Variants in RAP1GAP2 observed in about 807,000 individuals in gnomAD.
The protein encoded by RAP1GAP2 is rap1 GTPase-activating protein 2.
In RAP1GAP2, 27 loss-of-function variants were observed where a neutral mutation model predicts 95.0. The ratio of observed to expected loss-of-function variants is 0.28; its 90% confidence interval spans 0.21 to 0.39. The LOEUF (loss-of-function observed/expected upper bound fraction) is 0.39. RAP1GAP2 is among the 10% of genes least tolerant of loss of function. RAP1GAP2 has a pLI of 1.00. For synonymous variants in RAP1GAP2, 373 were observed against 380.9 expected (o/e 0.98, Z 0.24); for missense variants, 771 against 970.0 (o/e 0.79, Z 2.72).
intron 2 of RAP1GAP2, among the ~76,000 whole-genome samples, chr17:2,864,658 G>T (rs1192295450): frequency 2.0e-5 from 3 of 152,200 alleles, no homozygotes; most frequent in Admixed American, 2.0e-4. Flanking sequence ...CAGAGGCTGG[G>T]GGTTGCATCC....
At chr17:2,835,626 G>A (rs1001626034) in intron 2 of RAP1GAP2, among the ~76,000 whole-genome samples, 9 of 152,228 alleles carry the variant, frequency 5.9e-5, no homozygotes, top group African/African-American at 2.2e-4. Context: ...TCAGGAGGCT[G>A]AGGTGGGAGG....
At chr17:2,882,859 T>A (rs1301239682) in intron 2 of RAP1GAP2, among the ~76,000 whole-genome samples, 1 of 152,224 alleles carries the variant, frequency 6.6e-6, no homozygotes, top group African/African-American at 2.4e-5. Flanking sequence ...CGTGACTGAT[T>A]CGTGTCATGT....
intron 3 of RAP1GAP2, among the ~76,000 whole-genome samples, chr17:2,939,805 C>T (rs961868005): frequency 1.3e-5 from 2 of 152,246 alleles, no homozygotes; most frequent in Non-Finnish European, 2.9e-5. Context: ...GCCCTTATGA[C>T]GTAAGACGTG....
chr17:2,862,786 C>T (rs1253834997), intron 2 of RAP1GAP2, among the ~76,000 whole-genome samples: 3 of 151,934 alleles, frequency 2.0e-5, no homozygotes. Flanking sequence ...TCACTCAAGG[C>T]TGGGAGTTCG....
At chr17:2,974,185 C>CCAAA (rs66529352) in intron 8 of RAP1GAP2, among the ~76,000 whole-genome samples, 1 of 137,704 alleles carries the variant, frequency 7.3e-6, no homozygotes. Flanking sequence ...ACTAAAAATA[C>CCAAA]AAAAAAAAAA....
At chr17:2,755,784 C>T (rs2071127865) in intron 1 of RAP1GAP2, 1 of 354,440 alleles carries the variant, frequency 2.8e-6, no homozygotes, top group East Asian at 4.2e-5. Context: ...GGGCGCCGGG[C>T]GGCGCGGGGC....
At chr17:2,844,576 C>T (rs895390226) in intron 2 of RAP1GAP2, among the ~76,000 whole-genome samples, 1 of 152,180 alleles carries the variant, frequency 6.6e-6, no homozygotes, top group Non-Finnish European at 1.5e-5. Flanking sequence ...GCTCAGCTCC[C>T]GGCTGGGTGA....
At chr17:3,024,054 G>C (rs2151653665) in intron 19 of RAP1GAP2, among the ~76,000 whole-genome samples, 1 of 152,282 alleles carries the variant, frequency 6.6e-6, no homozygotes, top group East Asian at 1.9e-4. Context: ...GGAGAGTTGG[G>C]AACCAATAGG....
At chr17:2,948,698 G>C (rs1275730911) in intron 3 of RAP1GAP2, among the ~76,000 whole-genome samples, 3 of 148,484 alleles carry the variant, frequency 2.0e-5, no homozygotes, top group African/African-American at 7.5e-5. Context: ...GAGATGGAGA[G>C]AAGGGGTCCT....
At chr17:2,940,487 G>T (rs1254666329) in intron 3 of RAP1GAP2, among the ~76,000 whole-genome samples, 1 of 152,244 alleles carries the variant, frequency 6.6e-6, no homozygotes, top group Non-Finnish European at 1.5e-5. Context: ...GGACTCCTCA[G>T]CTGGGCTTCC....
intron 3 of RAP1GAP2, among the ~76,000 whole-genome samples, chr17:2,927,206 T>G (rs981466855): frequency 3.0e-4 from 45 of 150,402 alleles, no homozygotes; most frequent in African/African-American, 1.0e-3. Flanking sequence ...CAGGCTGGAG[T>G]GCAGTGGCGC....
At chr17:2,933,347 G>A (rs571396946) in intron 3 of RAP1GAP2, among the ~76,000 whole-genome samples, 2 of 152,154 alleles carry the variant, frequency 1.3e-5, no homozygotes, top group Admixed American at 6.5e-5. Flanking sequence ...GACCACCGTG[G>A]AGTGAGGGAG....
chr17:2,855,336 G>T lies in RAP1GAP2; in HGVS notation c.81-49948G>T, dbSNP rs1307754140. Among the ~76,000 whole-genome samples the T allele has an allele frequency of 6.6e-6, 1 of 152,186 alleles. No individual in the cohort carries two copies. The highest frequency in any genetic ancestry group is 1.5e-5 in the Non-Finnish European group (1 of 68,044). On this transcript the variant is annotated intron_variant, in intron 2 of 24. Transcript: ENST00000254695. The surrounding 1 kb of genome is among the most constrained non-coding windows in gnomAD (Gnocchi z 4.3). ...GCGAATCCTTGTGATTTCTTTGAGGGGAAGTTTCAGGTGGATGCTAGTCTG... is the reference window on the plus strand; with the variant it reads ...GCGAATCCTTGTGATTTCTTTGAGGTGAAGTTTCAGGTGGATGCTAGTCTG...
At position 2,827,768 on chromosome 17, in the gene RAP1GAP2, C is replaced by T. The variant is rs1006922487; in HGVS notation, c.80+27218C>T. ...GGAACTGGGATCTCATTCATCCCAT[C>T]TGGTCAGCATCTCTTTGGTTGCTTT... On this transcript the variant is annotated intron_variant, in intron 2 of 24. Coordinates refer to ENST00000254695, the MANE Select transcript of RAP1GAP2 (RefSeq NM_015085.5). This position sits in a 1 kb window ranked among gnomAD's most constrained non-coding sequence, Gnocchi z 4.1. Among the ~76,000 whole-genome samples the T allele has an allele frequency of 6.6e-6, 1 of 151,856 alleles. No homozygotes were observed. Among genetic ancestry groups the T allele is most frequent in the Admixed American group, 6.6e-5 (1 of 15,234 alleles).
intron 8 of RAP1GAP2, among the ~76,000 whole-genome samples, chr17:2,970,673 C>CT: frequency 6.6e-6 from 1 of 152,210 alleles, no homozygotes; most frequent in Middle Eastern, 3.4e-3. Flanking sequence ...TAAGAACTGC[C>CT]TCTATTTATT....
chr17:2,905,210 A>T (rs185240891), intron 2 of RAP1GAP2, 74 bp from the exon 3 acceptor site: 188 of 1,390,866 alleles, frequency 1.4e-4, no homozygotes, highest in Non-Finnish European at 1.6e-5. Flanking sequence ...TGTGTCCGAG[A>T]GCCCAGTCAC....
intron 8 of RAP1GAP2, among the ~76,000 whole-genome samples, chr17:2,976,610 A>G (rs1315939658): frequency 6.6e-6 from 1 of 152,138 alleles, no homozygotes; most frequent in Non-Finnish European, 1.5e-5. Flanking sequence ...AGATTAAATG[A>G]GTAAGTATGT....
At position 2,845,987 on chromosome 17, in the gene RAP1GAP2, G is replaced by T. The variant is rs114852848; in HGVS notation, c.80+45437G>T. ...TTCCGAGGTGAGGAATTCGAGACCA[G>T]CTGGACCAACATGGTGAAACCGAGT... On this transcript the variant is annotated intron_variant, in intron 2 of 24. Coordinates refer to ENST00000254695, the MANE Select transcript of RAP1GAP2 (RefSeq NM_015085.5). 4.8e-3 allele frequency among the ~76,000 whole-genome samples: 727 copies of T among 152,128 alleles called. 5 individuals are homozygous for T. The highest frequency in any genetic ancestry group is 0.017 in the African/African-American group (686 of 41,504).
rs183733490 is a variant in RAP1GAP2, at chr17:2,830,680, C to T, written c.80+30130C>T. Among the ~76,000 whole-genome samples, 218 of 152,236 alleles carry T rather than the reference C, an allele frequency of 1.4e-3. 2 individuals are homozygous for T. The highest frequency in any genetic ancestry group is 5.1e-3 in the African/African-American group (210 of 41,538). On this transcript the variant is annotated intron_variant, in intron 2 of 24. Transcript: ENST00000254695. ...AGTGAGCCGAGATCACACCACTGCACTCCAGCCTGGGCGACAGAATGAGAC... is the reference window on the plus strand; with the variant it reads ...AGTGAGCCGAGATCACACCACTGCATTCCAGCCTGGGCGACAGAATGAGAC...
Sources: allele counts gnomAD v4.1 joint callset (sites outside exome capture counted in the v4.1 genomes callset), GRCh38; gene constraint gnomAD v4.1.1; non-coding constraint Gnocchi (gnomAD v3.1); transcripts MANE v1.5; gene names NCBI Gene and HGNC (gene_info 2026-07-23, HGNC 2026-07-21).